The following SLCO2A1 variants were observed in gnomAD, a reference collection of about 807,000 sequenced individuals.
SLCO2A1 encodes the protein matrin F/G 1.
In SLCO2A1, 60 loss-of-function variants were observed where a neutral mutation model predicts 71.7. The observed-to-expected ratio is 0.84, with a 90% CI of 0.68 to 1.04. SLCO2A1 has a LOEUF of 1.04. Among genes scored for constraint, SLCO2A1 ranks in the 50% least tolerant of loss-of-function variants. The pLI is 0.00. For synonymous variants in SLCO2A1, 308 were observed against 326.7 expected (o/e 0.94, Z 0.62); for missense variants, 745 against 813.4 (o/e 0.92, Z 1.02).
At chr3:134,029,512 A>G (rs1339274870) in intron 1 of SLCO2A1, among the ~76,000 whole-genome samples, 195 bp downstream of exon 1, 8,352 of 147,092 alleles carry the variant, frequency 0.057, 362 homozygotes, top group East Asian at 0.19. Context: ...ACACACGCTC[A>G]CACACACACA....
chr3:133,997,590 G>T (rs188423577), intron 1 of SLCO2A1, among the ~76,000 whole-genome samples: 174 of 152,344 alleles, frequency 1.1e-3, no homozygotes, highest in African/African-American at 4.0e-3. Flanking sequence ...TCCAACAACT[G>T]CTAGAAGCAA....
chr3:133,963,429 G>A (rs1040313511), intron 3 of SLCO2A1, among the ~76,000 whole-genome samples: 18 of 152,192 alleles, frequency 1.2e-4, no homozygotes, highest in African/African-American at 3.9e-4. Flanking sequence ...AGCTGGGGTA[G>A]GGAGGGGACC....
At chr3:134,003,411 G>A (rs929422858) in intron 1 of SLCO2A1, among the ~76,000 whole-genome samples, 18 of 152,170 alleles carry the variant, frequency 1.2e-4, no homozygotes, top group East Asian at 7.7e-4. Flanking sequence ...TACGCTGGGC[G>A]TCTGATCTTT....
At chr3:133,961,386 A>G (rs1473788554) in intron 3 of SLCO2A1, among the ~76,000 whole-genome samples, 1 of 152,166 alleles carries the variant, frequency 6.6e-6, no homozygotes, top group African/African-American at 2.4e-5. Flanking sequence ...TTTGAATGCT[A>G]GTTCTTGATT....
chr3:133,965,736 TCTC>T (rs953001496), intron 3 of SLCO2A1, among the ~76,000 whole-genome samples: 13 of 151,678 alleles, frequency 8.6e-5, no homozygotes, highest in African/African-American at 3.1e-4. Flanking sequence ...TCTGTCTTCT[TCTC>T]AGGGAGACCA....
In SLCO2A1 at chr3:133,934,464, G is replaced by T. The variant is rs909820246; in HGVS notation, c.*249C>A. 1.1e-5 allele frequency: 4 copies of T among 371,612 alleles called. No individual in the cohort carries two copies. The highest frequency in any genetic ancestry group is 1.5e-5 in the Non-Finnish European group (3 of 202,468). The allele number at this position is 371,612 out of a possible 1,614,324, so 23.0% of individuals were successfully genotyped here. On this transcript the variant is annotated 3_prime_UTR_variant, in exon 14 of 14. Transcript: ENST00000310926. ...CTGAAGTGAGCCTGGGCATCTGGGG[G>T]CCTCTTCCAAGGGGCCAGGGAAGAC...
intron 9 of SLCO2A1, 103 bp downstream of exon 9, chr3:133,947,153 C>A: frequency 8.3e-6 from 8 of 968,598 alleles, no homozygotes; most frequent in Non-Finnish European, 1.2e-5. Flanking sequence ...AAAAAGTGTA[C>A]AGCAAAGAAT....
chr3:133,942,707 G>C lies in SLCO2A1; in HGVS notation c.1523C>G (p.Pro508Arg). ...GAGCAGGAAGTGGGCACAGGGGACA[G>C]GGCACGATCCTGTCTTTGCTGAAGC... ...GSASAKTGSC[P>R]VPCAHFLLPA... Residue 508 changes from proline to arginine, a missense_variant, in exon 11 of 14, where the codon CCT becomes CGT. By Grantham distance (103) the Pro-to-Arg change is moderately radical (BLOSUM62 -2). Coordinates refer to ENST00000310926, the MANE Select transcript of SLCO2A1 (RefSeq NM_005630.3). The C allele has an allele frequency of 6.2e-7, 1 of 1,614,024 alleles. No homozygotes were observed. Among genetic ancestry groups the C allele is most frequent in the Non-Finnish European group, 8.5e-7 (1 of 1,179,956 alleles).
At chr3:133,989,635 G>A (rs56369326) in intron 1 of SLCO2A1, among the ~76,000 whole-genome samples, 33,169 of 152,168 alleles carry the variant, frequency 0.22, 3,735 homozygotes, top group South Asian at 0.26. Context: ...CAAGTAGTGT[G>A]GAAGGGCTTA....
In SLCO2A1 at chr3:133,934,195, C is replaced by A. The variant is rs1933209412; in HGVS notation, c.*518G>T. Reference sequence around the variant, plus strand: ...TCCCGTAGTCTGTGCTGATGCCAAACCCAGGTGTGAAGGGGGTTACAGCCA... The same window carrying A: ...TCCCGTAGTCTGTGCTGATGCCAAAACCAGGTGTGAAGGGGGTTACAGCCA... On this transcript the variant is annotated 3_prime_UTR_variant, in exon 14 of 14. Transcript: ENST00000310926. The A allele has an allele frequency of 6.5e-6, 1 of 152,822 alleles. No individual in the cohort carries two copies. The highest frequency in any genetic ancestry group is 6.5e-5 in the Admixed American group (1 of 15,364). The allele number at this position is 152,822 out of a possible 1,614,324, so 9.5% of individuals were successfully genotyped here.
chr3:134,009,675 C>A (rs567061624), intron 1 of SLCO2A1, among the ~76,000 whole-genome samples: 7 of 152,292 alleles, frequency 4.6e-5, no homozygotes, highest in Admixed American at 4.6e-4. Context: ...TTAGGGAATG[C>A]GCAAAGAAAG....
chr3:133,937,239 A>G (rs1371802695), intron 12 of SLCO2A1, among the ~76,000 whole-genome samples: 4 of 152,162 alleles, frequency 2.6e-5, no homozygotes, highest in Non-Finnish European at 5.9e-5. Context: ...AGTGTTAGAG[A>G]AAGTTAAGTT....
At chr3:134,008,823 A>T (rs960081504) in intron 1 of SLCO2A1, among the ~76,000 whole-genome samples, 9 of 152,262 alleles carry the variant, frequency 5.9e-5, no homozygotes, top group African/African-American at 2.2e-4. Flanking sequence ...AAAAGGCTCC[A>T]CATTCTTGCC....
intron 1 of SLCO2A1, among the ~76,000 whole-genome samples, chr3:134,022,222 A>G (rs996398483): frequency 6.6e-6 from 1 of 152,176 alleles, no homozygotes; most frequent in Non-Finnish European, 1.5e-5. Flanking sequence ...TTATCTGCGA[A>G]AGTCATGAAA....
In SLCO2A1 at chr3:133,939,841, C is replaced by G. The variant is rs139492238; in HGVS notation, c.1626-1348G>C. 1.5e-3 allele frequency among the ~76,000 whole-genome samples: 235 copies of G among 152,292 alleles called. 1 individual carries two copies. Among genetic ancestry groups the G allele is most frequent in the African/African-American group, 5.6e-3 (232 of 41,560 alleles). ...CCATGTGGCCCTGAATGAAAGCTGACCTTCTGACCTCTCTTTCTCCTTCCA... is the reference window on the plus strand; with the variant it reads ...CCATGTGGCCCTGAATGAAAGCTGAGCTTCTGACCTCTCTTTCTCCTTCCA... On this transcript the variant is annotated intron_variant, in intron 11 of 13. Coordinates refer to ENST00000310926, the MANE Select transcript of SLCO2A1 (RefSeq NM_005630.3).
At chr3:133,955,253 C>T in intron 3 of SLCO2A1, 60 bp from the exon 4 acceptor site, 2 of 1,478,542 alleles carry the variant, frequency 1.4e-6, no homozygotes, top group South Asian at 1.3e-5. Flanking sequence ...ACCGGCTGGC[C>T]TCCAAACCCG....
chr3:134,016,578 T>C (rs1935460345), intron 1 of SLCO2A1, among the ~76,000 whole-genome samples: 1 of 152,212 alleles, frequency 6.6e-6, no homozygotes, highest in African/African-American at 2.4e-5. Flanking sequence ...CTCTCACATA[T>C]GGCTGGTGAA....
At chr3:133,962,314 A>T (rs938647114) in intron 3 of SLCO2A1, among the ~76,000 whole-genome samples, 1 of 152,142 alleles carries the variant, frequency 6.6e-6, no homozygotes. Context: ...TCCTGACCTC[A>T]GACGATCCAC....
intron 10 of SLCO2A1, among the ~76,000 whole-genome samples, chr3:133,943,486 A>C (rs1470240814): frequency 2.6e-5 from 4 of 152,220 alleles, no homozygotes; most frequent in Non-Finnish European, 5.9e-5. Context: ...TTCTGCCGAC[A>C]GTGGTAACTA....
Sources: allele counts gnomAD v4.1 joint callset (sites outside exome capture counted in the v4.1 genomes callset), GRCh38; gene constraint gnomAD v4.1.1; transcripts MANE v1.5; gene names NCBI Gene and HGNC (gene_info 2026-07-23, HGNC 2026-07-21).